GPR141: variants seen among roughly 807,000 people sequenced by gnomAD.
The protein encoded by GPR141 is G protein-coupled receptor 141.
In GPR141, 6 loss-of-function variants were observed where a neutral mutation model predicts 6.8. The observed-to-expected ratio is 0.88, with a 90% CI of 0.48 to 1.74. GPR141 has a LOEUF of 1.74. Among genes scored for constraint, GPR141 ranks in the 40% most tolerant of loss-of-function variants. The pLI is 0.01. For synonymous variants in GPR141, 140 were observed against 142.3 expected (o/e 0.98, Z 0.11); for missense variants, 372 against 372.9 (o/e 1.00, Z 0.02).
intron 2 of GPR141, among the ~76,000 whole-genome samples, chr7:37,697,547 G>T (rs1810079244): frequency 6.6e-6 from 1 of 152,192 alleles, no homozygotes; most frequent in Non-Finnish European, 1.5e-5. Context: ...CCATGCTCAG[G>T]CATGAGTTAC....
chr7:37,700,913 C>T (rs1008608721), intron 2 of GPR141, among the ~76,000 whole-genome samples: 1 of 152,174 alleles, frequency 6.6e-6, no homozygotes, highest in Non-Finnish European at 1.5e-5. Context: ...TATTTTTCTC[C>T]TACTACCAGC....
rs749839455 is a variant in GPR141 at position 37,741,144 on chromosome 7, G to C, written c.751G>C (p.Val251Leu). The C allele has an allele frequency of 6.2e-7, 1 of 1,614,044 alleles. No homozygotes were observed. Among genetic ancestry groups the C allele is most frequent in the African/African-American group, 1.3e-5 (1 of 75,032 alleles). The change falls in exon 3 of 3, where the codon GTT becomes CTT. Residue 251 changes from valine to leucine, a missense_variant. By Grantham distance (32) the Val-to-Leu change is conservative (BLOSUM62 1). Transcript: ENST00000334425. ...YQFFRIYYLNVVTHSNACNSK... is the reference protein window; with the variant it reads ...YQFFRIYYLNLVTHSNACNSK... ...GTTCTTTAGGATCTATTACTTGAATGTTGTGACGCATTCCAATGCCTGTAA... is the reference window on the plus strand; with the variant it reads ...GTTCTTTAGGATCTATTACTTGAATCTTGTGACGCATTCCAATGCCTGTAA...
chr7:37,693,430 G>A (rs1349015455), intron 2 of GPR141, among the ~76,000 whole-genome samples: 2 of 152,158 alleles, frequency 1.3e-5, no homozygotes, highest in African/African-American at 4.8e-5. Flanking sequence ...TTGAAGTCAG[G>A]TAGCATGATG....
chr7:37,732,739 A>G (rs1287959202), intron 2 of GPR141, among the ~76,000 whole-genome samples: 1 of 152,244 alleles, frequency 6.6e-6, no homozygotes, highest in Non-Finnish European at 1.5e-5. Flanking sequence ...AGTAATAGAT[A>G]TGTAACAAAG....
chr7:37,716,182 G>A lies in GPR141; in HGVS notation c.-14-24198G>A, dbSNP rs1054046187. On this transcript the variant is annotated intron_variant, in intron 2 of 2. Transcript: ENST00000334425. ...ATTCTTTCAAAGACGCATCTAGAGA[G>A]CACGCTTGCTAAGAACGGTGGGAGA... is the stretch of plus-strand genomic sequence containing the variant. Among the ~76,000 whole-genome samples, 6 of 152,162 alleles carry A rather than the reference G, an allele frequency of 3.9e-5. No individual in the cohort carries two copies. In the East Asian group the frequency reaches 7.7e-4, roughly 20 times the overall value.
chr7:37,715,797 G>C (rs943644629), intron 2 of GPR141, among the ~76,000 whole-genome samples: 2 of 152,136 alleles, frequency 1.3e-5, no homozygotes, highest in Non-Finnish European at 2.9e-5. Flanking sequence ...ATTGACCTCT[G>C]TTATGTTAAT....
chr7:37,730,117 T>A (rs138160474), intron 2 of GPR141: 1 of 152,334 alleles, frequency 6.6e-6, no homozygotes, highest in African/African-American at 2.4e-5. Context: ...TCCCTTCATC[T>A]TCTTCTCTTC....
At chr7:37,729,968 T>G (rs1811836980) in intron 2 of GPR141, 1 of 152,192 alleles carries the variant, frequency 6.6e-6, no homozygotes, top group African/African-American at 2.4e-5. Context: ...GAGAATCAAC[T>G]GAGAAAGTAA....
chr7:37,698,880 G>A (rs770122590), intron 2 of GPR141, among the ~76,000 whole-genome samples: 12 of 152,192 alleles, frequency 7.9e-5, no homozygotes, highest in Non-Finnish European at 1.2e-4. Flanking sequence ...CTGAATATTT[G>A]TTGAGCAGTT....
Position 37,743,500 on chromosome 7 carries a change from T to C in GPR141, c.*2189T>C, listed in dbSNP as rs1371359408. Among the ~76,000 whole-genome samples the C allele has an allele frequency of 6.6e-5, 10 of 151,866 alleles. No homozygotes were observed. The highest frequency in any genetic ancestry group is 6.6e-4 in the Admixed American group (10 of 15,242). On this transcript the variant is annotated 3_prime_UTR_variant, in exon 3 of 3. Coordinates refer to ENST00000334425, the MANE Select transcript of GPR141 (RefSeq NM_001381946.1). ...TTGAACCATAAAATTTGTAAGACCG[T>C]TACTAAGACCCCTGATAGTTTTAAG... is the stretch of plus-strand genomic sequence containing the variant.
In GPR141 at chr7:37,697,540, T is replaced by C. The variant is rs540399741; in HGVS notation, c.-15+11957T>C. On this transcript the variant is annotated intron_variant, in intron 2 of 2. Coordinates refer to ENST00000334425, the MANE Select transcript of GPR141 (RefSeq NM_001381946.1). ...TCTAAGTGTGTCTCAGCAGCCTCCA[T>C]GCTCAGGCATGAGTTACGGATGTGG... Among the ~76,000 whole-genome samples, 4 of 152,354 alleles carry C rather than the reference T, an allele frequency of 2.6e-5. No individual in the cohort carries two copies. The South Asian group carries it at 8.3e-4, about 32-fold the overall frequency.
chr7:37,690,992 C>G (rs148112620), intron 2 of GPR141, among the ~76,000 whole-genome samples: 3 of 152,238 alleles, frequency 2.0e-5, no homozygotes, highest in Admixed American at 6.5e-5. Flanking sequence ...TCTATGTGCT[C>G]TGGTGTTGGG....
chr7:37,733,960 C>T (rs2709099), intron 2 of GPR141, among the ~76,000 whole-genome samples: 41,798 of 152,008 alleles, frequency 0.27, 6,643 homozygotes, highest in Non-Finnish European at 0.36. Flanking sequence ...TTTCTTGAGC[C>T]GAGGAGTTTG....
intron 2 of GPR141, among the ~76,000 whole-genome samples, chr7:37,736,555 A>G (rs1358618276): frequency 6.6e-6 from 1 of 151,772 alleles, no homozygotes; most frequent in African/African-American, 2.4e-5. Flanking sequence ...AGAAAGAAAG[A>G]AAGAAAAAAG....
chr7:37,724,111 C>T (rs943909264), intron 2 of GPR141, among the ~76,000 whole-genome samples: 2 of 152,140 alleles, frequency 1.3e-5, no homozygotes, highest in African/African-American at 4.8e-5. Context: ...CTCCCACTTC[C>T]CTTGTAGGTA....
intron 2 of GPR141, among the ~76,000 whole-genome samples, chr7:37,738,183 G>A (rs1007192582): frequency 3.3e-5 from 5 of 152,176 alleles, no homozygotes; most frequent in African/African-American, 9.6e-5. Flanking sequence ...ATTAACTGTT[G>A]TAAGGGTTAA....
At chr7:37,729,244 A>G (rs1036596049) in intron 2 of GPR141, among the ~76,000 whole-genome samples, 2 of 152,174 alleles carry the variant, frequency 1.3e-5, no homozygotes, top group African/African-American at 4.8e-5. Context: ...GGGCAGGGGA[A>G]AATCAGAGTT....
At chr7:37,709,436 A>G (rs1810688299) in intron 2 of GPR141, among the ~76,000 whole-genome samples, 1 of 152,166 alleles carries the variant, frequency 6.6e-6, no homozygotes, top group South Asian at 2.1e-4. Flanking sequence ...CATATAGTAT[A>G]TGTATTTTGT....
intron 2 of GPR141, among the ~76,000 whole-genome samples, chr7:37,711,707 T>A (rs1340366327): frequency 6.6e-6 from 1 of 152,238 alleles, no homozygotes; most frequent in African/African-American, 2.4e-5. Flanking sequence ...GGAGGCAACC[T>A]TTCTCTGAAA....
Sources: gnomAD v4.1 joint callset for allele counts (sites outside exome capture counted in the v4.1 genomes callset) on GRCh38, gnomAD v4.1.1 for gene constraint, MANE v1.5 for transcripts, NCBI Gene and HGNC (gene_info 2026-07-23, HGNC 2026-07-21) for gene names.